LRBA: variants seen among roughly 807,000 people sequenced by gnomAD.
LRBA encodes the protein LPS responsive beige-like anchor protein.
Under a neutral mutation model 330.0 loss-of-function variants are expected in LRBA, and 176 were observed. The ratio of observed to expected loss-of-function variants is 0.53; its 90% confidence interval spans 0.47 to 0.60. The LOEUF is 0.60. Among genes scored for constraint, LRBA ranks in the 20% least tolerant of loss-of-function variants. The probability of loss-of-function intolerance (pLI) is 0.00; values close to 1 mark genes in which losing one functional copy is unlikely to be tolerated. For missense variants in LRBA, 3,259 were observed against 3,444.8 expected (o/e 0.95, Z 1.35); for synonymous variants, 1,230 against 1,193.0 (o/e 1.03, Z -0.64).
intron 46 of LRBA, among the ~76,000 whole-genome samples, chr4:150,422,461 C>CA (rs199636368): frequency 0.026 from 3,953 of 152,130 alleles, 160 homozygotes; most frequent in African/African-American, 0.09. Context: ...ACAACAACAA[C>CA]AAAAAATCTA....
At chr4:150,527,786 G>A (rs1763630146) in intron 40 of LRBA, among the ~76,000 whole-genome samples, 1 of 152,128 alleles carries the variant, frequency 6.6e-6, no homozygotes, top group African/African-American at 2.4e-5. Flanking sequence ...CACAATGAAA[G>A]AATTTGTACA....
chr4:150,892,411 T>C (rs1729564024), intron 17 of LRBA, among the ~76,000 whole-genome samples: 1 of 152,134 alleles, frequency 6.6e-6, no homozygotes. Flanking sequence ...AGGAGTAACG[T>C]CATTGTAAGA....
intron 47 of LRBA, among the ~76,000 whole-genome samples, chr4:150,374,871 G>A (rs1035456731): frequency 2.0e-5 from 3 of 152,144 alleles, no homozygotes; most frequent in East Asian, 1.9e-4. Context: ...TTAAACATCC[G>A]AAAGAATAGC....
intron 4 of LRBA, among the ~76,000 whole-genome samples, chr4:150,925,850 C>T (rs965356359): frequency 6.6e-6 from 1 of 152,052 alleles, no homozygotes; most frequent in East Asian, 1.9e-4. Context: ...CTTCTGGACA[C>T]GACATATTAA....
chr4:150,702,013 C>T (rs1785168431), intron 36 of LRBA, among the ~76,000 whole-genome samples: 1 of 151,952 alleles, frequency 6.6e-6, no homozygotes, highest in Non-Finnish European at 1.5e-5. Context: ...CAACTAGAAA[C>T]AGAAAACTAT....
chr4:150,470,010 C>T (rs1437228355), intron 43 of LRBA, among the ~76,000 whole-genome samples: 1 of 152,006 alleles, frequency 6.6e-6, no homozygotes, highest in African/African-American at 2.4e-5. Flanking sequence ...TGGTGAAACC[C>T]CGTCTCTACT....
chr4:150,366,543 TG>T (rs1739493481), intron 47 of LRBA, among the ~76,000 whole-genome samples: 1 of 150,870 alleles, frequency 6.6e-6, no homozygotes, highest in South Asian at 2.1e-4. Context: ...CATGGAGGAG[TG>T]GGGGCTGGTG....
chr4:150,763,231 T>A (rs960407639), intron 34 of LRBA, among the ~76,000 whole-genome samples: 18 of 151,916 alleles, frequency 1.2e-4, no homozygotes, highest in Admixed American at 2.0e-4. Flanking sequence ...AGAAACAAAT[T>A]CATAAAATCC....
At chr4:150,600,604 T>C (rs1355924801) in intron 37 of LRBA, among the ~76,000 whole-genome samples, 1 of 152,114 alleles carries the variant, frequency 6.6e-6, no homozygotes, top group East Asian at 1.9e-4. Context: ...AGATATAATG[T>C]AATCAAAATG....
At chr4:150,634,264 C>T (rs974201314) in intron 37 of LRBA, among the ~76,000 whole-genome samples, 2 of 152,158 alleles carry the variant, frequency 1.3e-5, no homozygotes, top group Non-Finnish European at 2.9e-5. Flanking sequence ...TTCTTCATAG[C>T]ATTTTCACAA....
At chr4:150,606,586 T>G (rs541566661) in intron 37 of LRBA, among the ~76,000 whole-genome samples, 4 of 152,274 alleles carry the variant, frequency 2.6e-5, no homozygotes, top group African/African-American at 9.6e-5. Flanking sequence ...CTACACACTG[T>G]TCTCTGTTAT....
At chr4:150,954,817 C>CAAAAAAAAAAAAAAAAAAAA (rs34282784) in intron 2 of LRBA, among the ~76,000 whole-genome samples, 1 of 45,502 alleles carries the variant, frequency 2.2e-5, no homozygotes, top group Non-Finnish European at 3.6e-5. Flanking sequence ...ACTCAGAAAT[C>CAAAAAAAAAAAAAAAAAAAA]AAAAAAAAAA....
At chr4:150,782,219 T>C (rs1331873503) in intron 34 of LRBA, among the ~76,000 whole-genome samples, 1 of 152,184 alleles carries the variant, frequency 6.6e-6, no homozygotes, top group East Asian at 1.9e-4. Context: ...GCTTGTTAAA[T>C]AAATCATAAC....
intron 40 of LRBA, among the ~76,000 whole-genome samples, chr4:150,549,010 TA>T (rs752930675): frequency 1.2e-4 from 19 of 152,162 alleles, no homozygotes; most frequent in Non-Finnish European, 1.9e-4. Flanking sequence ...TAAATGTGCC[TA>T]AATTATCAAA....
chr4:150,871,507 T>A, intron 18 of LRBA, 54 bp from the exon 19 acceptor site: 1 of 998,256 alleles, frequency 1.0e-6, no homozygotes, highest in Non-Finnish European at 1.6e-6. Flanking sequence ...GTGCTCTACT[T>A]AATATGCATG....
At chr4:150,270,359 T>C (rs1302514186) in intron 56 of LRBA, among the ~76,000 whole-genome samples, 1 of 152,198 alleles carries the variant, frequency 6.6e-6, no homozygotes. Flanking sequence ...ACACAGAATA[T>C]TCATATAATA....
intron 37 of LRBA, among the ~76,000 whole-genome samples, chr4:150,636,861 C>T (rs546728990): frequency 6.6e-6 from 1 of 152,062 alleles, no homozygotes; most frequent in Admixed American, 6.6e-5. Context: ...GTTGCTCAGG[C>T]TGGTCTCAAA....
chr4:150,807,389 T>C (rs1186455301), intron 32 of LRBA, among the ~76,000 whole-genome samples: 3 of 152,166 alleles, frequency 2.0e-5, no homozygotes, highest in Admixed American at 2.0e-4. Context: ...GTATCACAAA[T>C]ACTAGCTATA....
intron 37 of LRBA, among the ~76,000 whole-genome samples, chr4:150,600,761 T>C (rs919135114): frequency 1.3e-5 from 2 of 152,150 alleles, no homozygotes; most frequent in Non-Finnish European, 2.9e-5. Context: ...AGAATATACA[T>C]ACAATCAAAA....
Sources: allele counts gnomAD v4.1 joint callset (sites outside exome capture counted in the v4.1 genomes callset), GRCh38; gene constraint gnomAD v4.1.1; transcripts MANE v1.5; gene names NCBI Gene and HGNC (gene_info 2026-07-23, HGNC 2026-07-21).